GPC6: variants seen among roughly 807,000 people sequenced by gnomAD.
GPC6 encodes glypican-6.
GPC6 carries 14 observed loss-of-function variants against 55.2 expected under a neutral mutation model. The ratio of observed to expected loss-of-function variants is 0.25; its 90% CI spans 0.17 to 0.40. The LOEUF (loss-of-function observed/expected upper bound fraction) is 0.40. Among genes scored for constraint, GPC6 ranks in the 10% least tolerant of loss-of-function variants. The pLI, the probability that GPC6 is intolerant of heterozygous loss-of-function variation, is 1.00. For synonymous variants in GPC6, 278 were observed against 259.6 expected (o/e 1.07, Z -0.68); for missense variants, 641 against 708.5 (o/e 0.90, Z 1.08).
intron 3 of GPC6, among the ~76,000 whole-genome samples, chr13:93,892,210 C>G (rs10492636): frequency 0.035 from 5,248 of 152,102 alleles, 267 homozygotes; most frequent in East Asian, 0.17. Context: ...TTTGAAGAAG[C>G]ATATCTGTAA....
At chr13:93,223,698 C>A (rs1008563461), upstream of GPC6, among the ~76,000 whole-genome samples, 2 of 152,100 alleles carry the variant, frequency 1.3e-5, no homozygotes, top group African/African-American at 4.8e-5. Context: ...CTCTCCTTAG[C>A]GTCCCAAAGT....
intron 1 of GPC6, among the ~76,000 whole-genome samples, chr13:93,332,926 C>A (rs9561313): frequency 6.6e-6 from 1 of 152,218 alleles, no homozygotes; most frequent in East Asian, 1.9e-4. Context: ...TATAGATATC[C>A]AGTGTTCCCA....
chr13:93,294,610 T>C (rs1239707380), intron 1 of GPC6, among the ~76,000 whole-genome samples: 2 of 152,170 alleles, frequency 1.3e-5, no homozygotes, highest in Non-Finnish European at 2.9e-5. Flanking sequence ...GCATTGCCTG[T>C]CTCGAAGTTG....
intron 1 of GPC6, among the ~76,000 whole-genome samples, chr13:93,251,897 T>C (rs1313322051): frequency 1.3e-5 from 2 of 152,238 alleles, no homozygotes; most frequent in Non-Finnish European, 2.9e-5. Context: ...TAAAAACATT[T>C]ACTTTCTTTT....
chr13:93,790,941 G>T (rs551674427), intron 2 of GPC6, among the ~76,000 whole-genome samples: 9 of 152,258 alleles, frequency 5.9e-5, no homozygotes, highest in Admixed American at 3.3e-4. Flanking sequence ...GCAAATTGGA[G>T]AAAAGAATAA....
intron 6 of GPC6, among the ~76,000 whole-genome samples, chr13:94,376,767 G>C (rs955264161): frequency 1.3e-5 from 2 of 152,138 alleles, no homozygotes; most frequent in African/African-American, 4.8e-5. Flanking sequence ...AAAGAACAAA[G>C]CTGGAGACAT....
intron 6 of GPC6, among the ~76,000 whole-genome samples, chr13:94,376,926 C>T (rs1313760518): frequency 7.9e-5 from 12 of 151,672 alleles, no homozygotes; most frequent in Admixed American, 7.2e-4. Context: ...CTTTGACAAA[C>T]CTGAGAAAAA....
At chr13:94,045,422 A>T (rs913588717) in intron 4 of GPC6, among the ~76,000 whole-genome samples, 1 of 151,978 alleles carries the variant, frequency 6.6e-6, no homozygotes, top group African/African-American at 2.4e-5. Flanking sequence ...AAATTCAAAT[A>T]GTTGCTAAGA....
intron 2 of GPC6, among the ~76,000 whole-genome samples, chr13:93,618,802 G>C (rs528273387): frequency 6.6e-6 from 1 of 152,070 alleles, no homozygotes; most frequent in Non-Finnish European, 1.5e-5. Flanking sequence ...TGTTTCAGTA[G>C]CAACAAACCA....
intron 2 of GPC6, among the ~76,000 whole-genome samples, chr13:93,639,233 A>G (rs532943125): frequency 1.8e-4 from 27 of 152,130 alleles, no homozygotes; most frequent in Non-Finnish European, 3.7e-4. Context: ...AACTCACTGG[A>G]GCCCACAGTA....
chr13:93,843,602 C>T (rs1566564774), intron 3 of GPC6, among the ~76,000 whole-genome samples: 1 of 152,122 alleles, frequency 6.6e-6, no homozygotes, highest in East Asian at 1.9e-4. Context: ...TTGGCATGAG[C>T]TCTTTAGGAT....
intron 1 of GPC6, among the ~76,000 whole-genome samples, chr13:93,440,857 A>G (rs1354082288): frequency 1.5e-5 from 1 of 68,444 alleles, no homozygotes; most frequent in African/African-American, 5.7e-5. Flanking sequence ...CCCCCACCCC[A>G]CAACAGGCCC....
chr13:93,787,376 G>A (rs1388289639), intron 2 of GPC6, among the ~76,000 whole-genome samples: 1 of 152,174 alleles, frequency 6.6e-6, no homozygotes, highest in Admixed American at 6.5e-5. Flanking sequence ...CAGACAATGT[G>A]CACAGGAATG....
chr13:93,541,385 C>T (rs1183306493), intron 1 of GPC6, among the ~76,000 whole-genome samples: 3 of 119,054 alleles, frequency 2.5e-5, no homozygotes, highest in East Asian at 2.3e-4. Flanking sequence ...CATAGTATTC[C>T]ATGGTGTATA....
intron 3 of GPC6, among the ~76,000 whole-genome samples, chr13:94,008,929 T>C (rs60500948): frequency 1.3e-3 from 195 of 152,300 alleles, no homozygotes; most frequent in African/African-American, 4.5e-3. Flanking sequence ...TTGAAAAATT[T>C]AATAACCACC....
intron 1 of GPC6, among the ~76,000 whole-genome samples, chr13:93,234,354 C>G (rs973991026): frequency 2.0e-5 from 3 of 152,180 alleles, no homozygotes; most frequent in Admixed American, 1.3e-4. Context: ...CGTCCTCCCC[C>G]ACCCCCATCA....
At chr13:93,525,418 G>C (rs998343530) in intron 1 of GPC6, among the ~76,000 whole-genome samples, 1 of 152,042 alleles carries the variant, frequency 6.6e-6, no homozygotes, top group South Asian at 2.1e-4. Flanking sequence ...ATAAACCTGA[G>C]TGTCAGTGAA....
At chr13:93,580,023 C>T (rs11070061) in intron 2 of GPC6, among the ~76,000 whole-genome samples, 9,551 of 152,208 alleles carry the variant, frequency 0.063, 975 homozygotes, top group African/African-American at 0.21. Flanking sequence ...TTGTATGTCC[C>T]AGTCACTTCA....
intron 4 of GPC6, among the ~76,000 whole-genome samples, chr13:94,057,980 T>C (rs1239696782): frequency 6.6e-6 from 1 of 152,210 alleles, no homozygotes; most frequent in Non-Finnish European, 1.5e-5. Context: ...TTCTGGTCAT[T>C]ACCCCAAAAC....
Sources: gnomAD v4.1 joint callset for allele counts (sites outside exome capture counted in the v4.1 genomes callset) on GRCh38, gnomAD v4.1.1 for gene constraint, MANE v1.5 for transcripts, NCBI Gene and HGNC (gene_info 2026-07-23, HGNC 2026-07-21) for gene names.